AP3S1: variants seen among roughly 807,000 people sequenced by gnomAD.
AP3S1 encodes adaptor related protein complex 3 subunit sigma 1.
In AP3S1, 12 loss-of-function variants were observed where a neutral mutation model predicts 21.3. The observed-to-expected ratio is 0.56, with a 90% CI of 0.36 to 0.91. The LOEUF (loss-of-function observed/expected upper bound fraction) is 0.91, where lower values mean the gene tolerates loss of function less well. Ranked by LOEUF, AP3S1 falls within the 40% of genes least tolerant of loss-of-function variation. AP3S1 has a pLI of 0.01. For missense variants in AP3S1, 116 were observed against 225.0 expected, an observed-to-expected ratio of 0.52 and a Z score of 3.10; for synonymous variants, 48 against 78.4, an observed-to-expected ratio of 0.61 and a Z score of 2.05.
chr5:115,843,693 A>G (rs552742245), intron 1 of AP3S1, among the ~76,000 whole-genome samples: 12 of 152,370 alleles, frequency 7.9e-5, no homozygotes, highest in Non-Finnish European at 1.3e-4. Flanking sequence ...TTATTTTTCC[A>G]TATCTAAACT....
Position 115,869,961 on chromosome 5 carries a change from A to G in AP3S1, c.162-56A>G, listed in dbSNP as rs886749942. On this transcript the variant is annotated intron_variant, in intron 2 of 5. Transcript: ENST00000316788. ...AACAAATTGTCAGTTTGCTTGAGCT[A>G]ATGAAAATGATTCGCATTTTGTTTC... 17 of 1,108,346 alleles carry G rather than the reference A, an allele frequency of 1.5e-5. No homozygotes were observed. In the Admixed American group the frequency reaches 3.8e-4, roughly 25 times the overall value. 68.7% of individuals were successfully genotyped at this position (1,108,346 alleles called of 1,614,324 possible).
At chr5:115,855,227 T>C (rs1014996974) in intron 1 of AP3S1, among the ~76,000 whole-genome samples, 7 of 151,830 alleles carry the variant, frequency 4.6e-5, no homozygotes, top group Admixed American at 4.6e-4. Flanking sequence ...TTAGTAGAGA[T>C]GGGGTTTCAC....
chr5:115,847,042 A>G (rs866268348), intron 1 of AP3S1, among the ~76,000 whole-genome samples: 35 of 152,178 alleles, frequency 2.3e-4, no homozygotes, highest in Non-Finnish European at 4.3e-4. Flanking sequence ...CAAAATTACT[A>G]TTATCCAAAG....
intron 5 of AP3S1, among the ~76,000 whole-genome samples, chr5:115,909,959 A>G (rs1008570316): frequency 2.6e-5 from 4 of 152,342 alleles, no homozygotes; most frequent in South Asian, 4.1e-4. Context: ...TTATAACAGT[A>G]TAATGCAATA....
At chr5:115,866,997 G>A (rs893885074) in intron 2 of AP3S1, among the ~76,000 whole-genome samples, 6 of 151,904 alleles carry the variant, frequency 3.9e-5, no homozygotes, top group Admixed American at 6.5e-5. Context: ...ATATTAAATC[G>A]TAAAAATTCC....
chr5:115,905,270 C>G (rs1751552380), intron 5 of AP3S1, among the ~76,000 whole-genome samples: 1 of 152,130 alleles, frequency 6.6e-6, no homozygotes, highest in South Asian at 2.1e-4. Context: ...CTATAAAGAG[C>G]AGTAAAATGC....
At chr5:115,911,332 TAAAC>T (rs534121690) in intron 5 of AP3S1, among the ~76,000 whole-genome samples, 91 of 151,838 alleles carry the variant, frequency 6.0e-4, no homozygotes, top group East Asian at 4.6e-3. Flanking sequence ...AATACACAGA[TAAAC>T]ACACACACAC....
intron 1 of AP3S1, among the ~76,000 whole-genome samples, chr5:115,863,551 A>G (rs1437384927): frequency 6.6e-6 from 1 of 152,306 alleles, no homozygotes; most frequent in African/African-American, 2.4e-5. Context: ...AGCCTGGGCA[A>G]CAGAGGGAGA....
intron 5 of AP3S1, among the ~76,000 whole-genome samples, chr5:115,908,662 T>C (rs1236610595): frequency 1.3e-5 from 2 of 152,156 alleles, no homozygotes; most frequent in Admixed American, 1.3e-4. Flanking sequence ...TTTGGAAGGT[T>C]TTTTAAATTT....
At chr5:115,905,389 A>G (rs1751561953) in intron 5 of AP3S1, among the ~76,000 whole-genome samples, 1 of 152,212 alleles carries the variant, frequency 6.6e-6, no homozygotes, top group African/African-American at 2.4e-5. Flanking sequence ...TACTTCTATT[A>G]TTCATTCCCT....
intron 4 of AP3S1, among the ~76,000 whole-genome samples, chr5:115,899,598 T>G (rs886579184): frequency 6.6e-6 from 1 of 152,192 alleles, no homozygotes; most frequent in African/African-American, 2.4e-5. Context: ...ACTTGAAATT[T>G]TAAAATGATT....
intron 1 of AP3S1, among the ~76,000 whole-genome samples, chr5:115,851,053 AC>A (rs1197943222): frequency 9.2e-5 from 14 of 152,190 alleles, no homozygotes; most frequent in Non-Finnish European, 2.1e-4. Context: ...TTTTCTAGTT[AC>A]TTGTGGCAGT....
rs34447523 is a variant in AP3S1, at chr5:115,855,019, ATATCTATCTATC to A, written c.70-11617_70-11606del. ...GTGTGTGTGTGTATGTATATATTTT[ATATCTATCTATC>A]TATCTATCTATCTATCTATCTATCT... On this transcript the variant is annotated intron_variant, in intron 1 of 5. Coordinates refer to ENST00000316788, the MANE Select transcript of AP3S1 (RefSeq NM_001284.4). Among the ~76,000 whole-genome samples, 75 of 147,544 alleles carry A rather than the reference ATATCTATCTATC, an allele frequency of 5.1e-4. No individual in the cohort carries two copies. The South Asian group carries it at 7.2e-3, about 14-fold the overall frequency.
intron 1 of AP3S1, among the ~76,000 whole-genome samples, chr5:115,864,189 CA>C (rs1233387306): frequency 1.3e-5 from 2 of 152,174 alleles, no homozygotes; most frequent in Non-Finnish European, 2.9e-5. Flanking sequence ...AGATAAACAC[CA>C]GCTGCTAGTC....
chr5:115,874,622 T>C (rs1748546640), intron 3 of AP3S1, among the ~76,000 whole-genome samples: 1 of 152,168 alleles, frequency 6.6e-6, no homozygotes, highest in Non-Finnish European at 1.5e-5. Context: ...GTTGTTAGAA[T>C]GTATATTTAA....
Position 115,913,539 on chromosome 5 carries a change from T to TA in AP3S1, c.*51dup, listed in dbSNP as rs1752272517. On this transcript the variant is annotated 3_prime_UTR_variant, in exon 6 of 6. Transcript: ENST00000316788. Reference sequence around the variant, plus strand: ...GTAAAATCCAGGGGGAAGAGTCATCTAAGTTTACCATGCAGTTGTTTACCA... The same window carrying TA: ...GTAAAATCCAGGGGGAAGAGTCATCTAAAGTTTACCATGCAGTTGTTTACCA... The TA allele has an allele frequency of 6.3e-7, 1 of 1,593,036 alleles. No individual in the cohort carries two copies. Among genetic ancestry groups the TA allele is most frequent in the Non-Finnish European group, 8.5e-7 (1 of 1,173,176 alleles).
intron 1 of AP3S1, among the ~76,000 whole-genome samples, chr5:115,857,833 G>A (rs542092073): frequency 3.1e-4 from 47 of 152,278 alleles, no homozygotes; most frequent in African/African-American, 9.6e-4. Flanking sequence ...TGATGTTTAC[G>A]TTAATTTATT....
chr5:115,886,146 A>G (rs749955317), intron 3 of AP3S1, among the ~76,000 whole-genome samples: 2 of 152,218 alleles, frequency 1.3e-5, no homozygotes, highest in Non-Finnish European at 2.9e-5. Context: ...GGTTGATGAT[A>G]AAAGTAGTTG....
chr5:115,865,302 T>C (rs1187832884), intron 1 of AP3S1, among the ~76,000 whole-genome samples: 1 of 152,186 alleles, frequency 6.6e-6, no homozygotes, highest in South Asian at 2.1e-4. Context: ...TAGCTTACTT[T>C]AAGAATTGTT....
Sources: gnomAD v4.1 joint callset for allele counts (sites outside exome capture counted in the v4.1 genomes callset) on GRCh38, gnomAD v4.1.1 for gene constraint, MANE v1.5 for transcripts, NCBI Gene and HGNC (gene_info 2026-07-23, HGNC 2026-07-21) for gene names.